Variants in ECPAS observed in about 807,000 individuals in gnomAD.
ECPAS encodes Ecm29 proteasome adaptor and scaffold, also known as proteasome adapter and scaffold protein ECM29.
In ECPAS, 70 loss-of-function variants were observed where a neutral mutation model predicts 255.1. The ratio of observed to expected loss-of-function variants is 0.27; its 90% CI spans 0.23 to 0.33. The LOEUF (loss-of-function observed/expected upper bound fraction) is 0.33, where lower values mean the gene tolerates loss of function less well. ECPAS is among the 10% of genes least tolerant of loss of function. The pLI, the probability that ECPAS is intolerant of heterozygous loss-of-function variation, is 1.00. For missense variants in ECPAS, 1,817 were observed against 2,206.4 expected (o/e 0.82, Z 3.54); for synonymous variants, 784 against 775.0 (o/e 1.01, Z -0.19).
At chr9:111,389,093 G>C (rs2098155261) in intron 31 of ECPAS, among the ~76,000 whole-genome samples, 1 of 152,218 alleles carries the variant, frequency 6.6e-6, no homozygotes, top group South Asian at 2.1e-4. Context: ...GATACTCAGA[G>C]ACAAGCCCTG....
At chr9:111,390,775 T>A (rs2131607244) in intron 29 of ECPAS, among the ~76,000 whole-genome samples, 1 of 152,140 alleles carries the variant, frequency 6.6e-6, no homozygotes, top group South Asian at 2.1e-4. Flanking sequence ...TGCCTAACGA[T>A]CCGTAGAAAT....
rs747640809 is a variant in ECPAS, at chr9:111,383,286, C to A, written c.3728G>T (p.Arg1243Ile). 1 of 1,613,102 alleles carries A rather than the reference C, an allele frequency of 6.2e-7. No individual in the cohort carries two copies. Among genetic ancestry groups the A allele is most frequent in the Non-Finnish European group, 8.5e-7 (1 of 1,179,524 alleles). The change falls in exon 35 of 50, where the codon AGA becomes ATA. Residue 1243 changes from arginine (R) to isoleucine (I), a missense_variant. Arg to Ile is a moderately conservative substitution (Grantham distance 97). Transcript: ENST00000684092. The part of the protein sequence containing the change: ...CDPAKGAAGQ[R>I]TIAALLPCLL... ...GCAAGGCAGAAGGGCAGCGATGGTT[C>A]TCTGGCCAGCTGCTCCTTTGGCAGG...
At position 111,389,740 on chromosome 9, in the gene ECPAS, G is replaced by A. The variant is rs748577071; in HGVS notation, c.3280-17C>T. 13 of 1,595,582 alleles carry A rather than the reference G, an allele frequency of 8.1e-6. No individual in the cohort carries two copies. The East Asian group carries it at 2.5e-4, about 30-fold the overall frequency. ...AGCAGCACCCTAAAAATAATAGGCT[G>A]AAGTGACTCAGATGCACCATTATAG... On this transcript the variant is annotated splice_polypyrimidine_tract_variant and intron_variant, in intron 30 of 49. Coordinates refer to ENST00000684092, the MANE Select transcript of ECPAS (RefSeq NM_001364929.1).
rs2098136565 is a variant in ECPAS, at chr9:111,378,696, C to T, written c.3838G>A (p.Gly1280Arg). ...NTLVKISKSA[G>R]AMLKPHAPKL... Reference sequence around the variant, plus strand: ...GGTGCATGCGGTTTCAACATGGCTCCTGCACTTTTGCTGATCTTCACAAGG... The same window carrying T: ...GGTGCATGCGGTTTCAACATGGCTCTTGCACTTTTGCTGATCTTCACAAGG... The change falls in exon 36 of 50, where the codon GGA becomes AGA. Residue 1280 changes from glycine (G) to arginine (R), a missense_variant. Gly to Arg is a moderately radical substitution (Grantham distance 125). Around this residue, in one of 4 missense-constraint regions of ECPAS, gnomAD observed 960 missense variants for 1,179.0 expected, o/e 0.81. Transcript: ENST00000684092. 1.2e-6 allele frequency: 2 copies of T among 1,613,644 alleles called. No homozygotes were observed. The highest frequency in any genetic ancestry group is 8.5e-7 in the Non-Finnish European group (1 of 1,179,624).
intron 1 of ECPAS, among the ~76,000 whole-genome samples, chr9:111,481,670 C>T (rs1165851731): frequency 6.6e-6 from 1 of 152,148 alleles, no homozygotes; most frequent in African/African-American, 2.4e-5. Flanking sequence ...CAGCATTATT[C>T]CCAATAGCTA....
rs868353081 is a variant in ECPAS, at chr9:111,423,199, C to A, written c.1265G>T (p.Ser422Ile). The A allele has an allele frequency of 6.4e-7, 1 of 1,556,274 alleles. No homozygotes were observed. The highest frequency in any genetic ancestry group is 2.4e-5 in the East Asian group (1 of 42,156). Residue 422 changes from serine (S) to isoleucine (I), a missense_variant and splice_region_variant, in exon 13 of 50, where the codon AGT (serine) becomes ATT (isoleucine). Transcript: ENST00000684092. ...TCTCACTAAAAAAGAGTTTACTCAC[C>A]TGGAGAGTTTTCCAACAGCTGAATA... is the stretch of plus-strand genomic sequence containing the variant. Reference protein sequence around the residue: ...MAYSAVGKLSSRMPHLFTKDI... With the variant: ...MAYSAVGKLSIRMPHLFTKDI...
At chr9:111,428,010 C>T in intron 10 of ECPAS, 32 bp downstream of exon 10, 1 of 1,600,264 alleles carries the variant, frequency 6.2e-7, no homozygotes, top group South Asian at 1.1e-5. Context: ...AAGTTGCAGA[C>T]AGGCCAATAT....
intron 34 of ECPAS, among the ~76,000 whole-genome samples, chr9:111,383,656 G>A (rs1333120437): frequency 5.3e-5 from 8 of 152,128 alleles, no homozygotes; most frequent in Non-Finnish European, 1.0e-4. Context: ...TGCAGTAGCC[G>A]GCGCCTATAA....
chr9:111,451,635 T>C, intron 2 of ECPAS, 80 bp from the exon 3 acceptor site: 1 of 1,349,832 alleles, frequency 7.4e-7, no homozygotes, highest in Non-Finnish European at 9.8e-7. Flanking sequence ...GCTTATTCTT[T>C]TTTTCTGTAC....
intron 1 of ECPAS, 148 bp downstream of exon 1, chr9:111,483,968 C>T: frequency 6.1e-6 from 6 of 988,516 alleles, no homozygotes; most frequent in Non-Finnish European, 7.2e-6. Context: ...CGCTCGCTCG[C>T]GGCTCGTCCT....
At chr9:111,439,082 G>T (rs1589199121) in intron 6 of ECPAS, among the ~76,000 whole-genome samples, 2 of 152,170 alleles carry the variant, frequency 1.3e-5, no homozygotes, top group Non-Finnish European at 2.9e-5. Flanking sequence ...ACTACAAGGG[G>T]CTCACCATCT....
intron 1 of ECPAS, among the ~76,000 whole-genome samples, chr9:111,476,758 G>C (rs1449553694): frequency 6.6e-6 from 1 of 151,960 alleles, no homozygotes; most frequent in Non-Finnish European, 1.5e-5. Flanking sequence ...TGCCTCCCAG[G>C]TTCAAGTGAT....
chr9:111,453,392 C>G (rs940821690), intron 2 of ECPAS, among the ~76,000 whole-genome samples: 2 of 152,062 alleles, frequency 1.3e-5, no homozygotes, highest in Non-Finnish European at 2.9e-5. Context: ...TACATGAGTC[C>G]ATACTGATGG....
intron 48 of ECPAS, chr9:111,365,975 T>C: frequency 2.2e-6 from 1 of 464,750 alleles, no homozygotes; most frequent in Non-Finnish European, 3.8e-6. Flanking sequence ...GTTGCAACCA[T>C]TCTGTAAGTT....
At chr9:111,482,088 G>A (rs946348967) in intron 1 of ECPAS, among the ~76,000 whole-genome samples, 2 of 152,188 alleles carry the variant, frequency 1.3e-5, no homozygotes, top group African/African-American at 4.8e-5. Context: ...AAATGGCTAG[G>A]ACGGGAAATT....
intron 24 of ECPAS, among the ~76,000 whole-genome samples, chr9:111,405,127 T>C (rs1261347412): frequency 6.7e-6 from 1 of 149,400 alleles, no homozygotes; most frequent in South Asian, 2.1e-4. Flanking sequence ...GCAAAAAGAA[T>C]AAAGCCAGAG....
At chr9:111,414,897 C>G (rs1355941152) in intron 18 of ECPAS, among the ~76,000 whole-genome samples, 1 of 152,112 alleles carries the variant, frequency 6.6e-6, no homozygotes, top group Admixed American at 6.6e-5. Flanking sequence ...GAAATTGGAG[C>G]TGGAGGCTGT....
At chr9:111,452,943 A>C (rs2098262248) in intron 2 of ECPAS, among the ~76,000 whole-genome samples, 1 of 152,128 alleles carries the variant, frequency 6.6e-6, no homozygotes, top group Non-Finnish European at 1.5e-5. Flanking sequence ...TGTAGTGCCT[A>C]AAAGGAAATG....
chr9:111,371,530 G>T, intron 43 of ECPAS, 91 bp downstream of exon 43: 1 of 1,185,288 alleles, frequency 8.4e-7, no homozygotes, highest in Non-Finnish European at 1.2e-6. Flanking sequence ...ATAATCCATT[G>T]GAAAAGTTAC....
Sources: allele counts gnomAD v4.1 joint callset (sites outside exome capture counted in the v4.1 genomes callset), GRCh38; gene constraint gnomAD v4.1.1; regional missense constraint gnomAD v4.1.1; transcripts MANE v1.5; gene names NCBI Gene and HGNC (gene_info 2026-07-23, HGNC 2026-07-21).